Variants in RNF180 observed in about 807,000 individuals in gnomAD.
RNF180 encodes the protein E3 ubiquitin-protein ligase RNF180.
In RNF180, 38 loss-of-function variants were observed where a neutral mutation model predicts 59.2. The observed-to-expected ratio is 0.64, with a 90% CI of 0.50 to 0.84. The LOEUF (loss-of-function observed/expected upper bound fraction) is 0.84. RNF180 is among the 40% of genes least tolerant of loss of function. The pLI, the probability that RNF180 is intolerant of heterozygous loss-of-function variation, is 0.00. For synonymous variants in RNF180, 262 were observed against 240.3 expected (o/e 1.09, Z -0.84); for missense variants, 705 against 700.9 (o/e 1.01, Z -0.07).
At chr5:64,180,906 C>A (rs1750535577) in intron 1 of RNF180, among the ~76,000 whole-genome samples, 1 of 152,126 alleles carries the variant, frequency 6.6e-6, no homozygotes, top group Admixed American at 6.5e-5. Context: ...TTAGGGTTCT[C>A]TAGAGGGGCA....
chr5:64,286,829 A>G (rs992373597), intron 5 of RNF180, among the ~76,000 whole-genome samples: 3 of 152,246 alleles, frequency 2.0e-5, no homozygotes, highest in Non-Finnish European at 4.4e-5. Flanking sequence ...TGGCAAGGAA[A>G]GTTACAGAGG....
At chr5:64,299,673 T>C (rs959464204) in intron 5 of RNF180, among the ~76,000 whole-genome samples, 4 of 151,960 alleles carry the variant, frequency 2.6e-5, no homozygotes, top group African/African-American at 4.8e-5. Flanking sequence ...GTAGGCTTGT[T>C]TTGGAAGTTG....
intron 5 of RNF180, among the ~76,000 whole-genome samples, chr5:64,312,100 G>T (rs1444696551): frequency 1.3e-5 from 2 of 151,948 alleles, no homozygotes; most frequent in African/African-American, 4.8e-5. Context: ...GAAAATTCAG[G>T]TTCTTAGAGA....
chr5:64,175,848 C>T (rs981355904), intron 1 of RNF180, among the ~76,000 whole-genome samples: 1 of 152,094 alleles, frequency 6.6e-6, no homozygotes, highest in African/African-American at 2.4e-5. Flanking sequence ...TTCCAGGCAT[C>T]TAATTTTTTG....
intron 5 of RNF180, among the ~76,000 whole-genome samples, chr5:64,261,069 T>G (rs1297044852): frequency 6.6e-6 from 1 of 152,130 alleles, no homozygotes. Flanking sequence ...TTTGATGTCA[T>G]ACAGATTTAT....
chr5:64,354,691 T>C (rs1745948179), intron 7 of RNF180, among the ~76,000 whole-genome samples: 2 of 151,836 alleles, frequency 1.3e-5, no homozygotes, highest in African/African-American at 2.4e-5. Flanking sequence ...AAAAATTCTC[T>C]GCAAAATACT....
rs144464050 is a variant in RNF180 at position 64,222,896 on chromosome 5, A to G, written c.1227+5500A>G. Among the ~76,000 whole-genome samples the G allele has an allele frequency of 6.6e-4, 101 of 152,364 alleles. 1 individual carries two copies. In the East Asian group the frequency reaches 0.016, roughly 25 times the overall value. Reference sequence around the variant, plus strand: ...CTTTATTAGAAGAATACATACTATCAACATGAGTTATCACTGTTGATGTTA... The same window carrying G: ...CTTTATTAGAAGAATACATACTATCGACATGAGTTATCACTGTTGATGTTA... On this transcript the variant is annotated intron_variant, in intron 5 of 7. Transcript: ENST00000389100.
intron 5 of RNF180, among the ~76,000 whole-genome samples, chr5:64,281,267 CTG>C (rs767544419): frequency 2.0e-4 from 31 of 152,298 alleles, no homozygotes; most frequent in Admixed American, 4.6e-4. Flanking sequence ...TTGACTTCCT[CTG>C]TTATTATTTG....
chr5:64,309,624 T>C lies in RNF180; in HGVS notation c.1228-15562T>C, dbSNP rs555433777. Among the ~76,000 whole-genome samples, 4 of 151,650 alleles carry C rather than the reference T, an allele frequency of 2.6e-5. No individual in the cohort carries two copies. In the South Asian group the frequency reaches 8.3e-4, roughly 31 times the overall value. ...TGTTTTAATTATTAATAATTAATAC[T>C]TGGAGATCTCTTGAACTGTTTAATA... On this transcript the variant is annotated intron_variant, in intron 5 of 7. Transcript: ENST00000389100.
At chr5:64,174,968 T>C (rs867592621) in intron 1 of RNF180, among the ~76,000 whole-genome samples, 43 of 107,852 alleles carry the variant, frequency 4.0e-4, no homozygotes, top group South Asian at 2.4e-3. Flanking sequence ...TCTTTTTTTT[T>C]TTTTTTTTTT....
chr5:64,200,887 A>G lies in RNF180; in HGVS notation c.80A>G (p.Lys27Arg). 1 of 1,613,272 alleles carries G rather than the reference A, an allele frequency of 6.2e-7. No individual in the cohort carries two copies. Among genetic ancestry groups the G allele is most frequent in the Non-Finnish European group, 8.5e-7 (1 of 1,179,258 alleles). ...TSILRCWKCR[K>R]CIASSGCFME... The stretch of plus-strand genomic sequence containing the variant: ...ATTCTTCGTTGTTGGAAATGTAGAA[A>G]ATGTATAGCAAGCTCTGGTTGTTTT... Residue 27 changes from lysine (K) to arginine (R), a missense_variant, in exon 2 of 8, where the codon AAA becomes AGA. By Grantham distance (26) the Lys-to-Arg change is conservative. Transcript: ENST00000389100.
chr5:64,269,616 T>G (rs1450390809), intron 5 of RNF180, among the ~76,000 whole-genome samples: 1 of 152,132 alleles, frequency 6.6e-6, no homozygotes, highest in Non-Finnish European at 1.5e-5. Flanking sequence ...CTGAGATAAA[T>G]TACTCTTATA....
chr5:64,291,024 C>G (rs1742554578), intron 5 of RNF180, among the ~76,000 whole-genome samples: 1 of 152,170 alleles, frequency 6.6e-6, no homozygotes, highest in Non-Finnish European at 1.5e-5. Context: ...CAAGGCAGGC[C>G]TGGTGGTGAC....
At chr5:64,250,058 T>C (rs1406947096) in intron 5 of RNF180, among the ~76,000 whole-genome samples, 1 of 152,148 alleles carries the variant, frequency 6.6e-6, no homozygotes, top group African/African-American at 2.4e-5. Flanking sequence ...ATAGTATAAA[T>C]GTTAGGCCAC....
At position 64,192,903 on chromosome 5, in the gene RNF180, GTATATATATATATATA is replaced by G. The variant is rs70983610; in HGVS notation, c.1-7884_1-7869del. ...TGAATGCATGCAGAAAGTGTGGCATGTATATATATATATATATATATATATATATATATATAAAATG... is the reference window on the plus strand; with the variant it reads ...TGAATGCATGCAGAAAGTGTGGCATGTATATATATATATATATATAAAATG... On this transcript the variant is annotated intron_variant, in intron 1 of 7. Transcript: ENST00000389100. Among the ~76,000 whole-genome samples, 91 of 93,886 alleles carry G rather than the reference GTATATATATATATATA, an allele frequency of 9.7e-4. 1 individual carries two copies. The highest frequency in any genetic ancestry group is 2.5e-3 in the African/African-American group (61 of 24,136). The allele number at this position is 93,886 out of a possible 152,430, so 61.6% of individuals were successfully genotyped here.
At chr5:64,291,703 AG>A (rs1410795540) in intron 5 of RNF180, among the ~76,000 whole-genome samples, 1 of 152,010 alleles carries the variant, frequency 6.6e-6, no homozygotes, top group Non-Finnish European at 1.5e-5. Flanking sequence ...CTAGGATTAC[AG>A]GCGTGAGCCA....
chr5:64,254,119 A>G (rs1364231702), intron 5 of RNF180, among the ~76,000 whole-genome samples: 3 of 152,168 alleles, frequency 2.0e-5, no homozygotes, highest in Non-Finnish European at 4.4e-5. Flanking sequence ...TAAAAATTCT[A>G]TTCATTCACA....
At chr5:64,363,449 G>A (rs962284897) in intron 7 of RNF180, among the ~76,000 whole-genome samples, 6 of 149,322 alleles carry the variant, frequency 4.0e-5, no homozygotes, top group African/African-American at 7.3e-5. Flanking sequence ...TCCATTGATC[G>A]CTATTTTTGT....
intron 5 of RNF180, among the ~76,000 whole-genome samples, chr5:64,228,012 G>A (rs1008707615): frequency 2.6e-5 from 4 of 152,124 alleles, no homozygotes; most frequent in South Asian, 2.1e-4. Context: ...CTCCTCTCAC[G>A]TGTGGAGACC....
Sources: allele counts gnomAD v4.1 joint callset (sites outside exome capture counted in the v4.1 genomes callset), GRCh38; gene constraint gnomAD v4.1.1; transcripts MANE v1.5; gene names NCBI Gene and HGNC (gene_info 2026-07-23, HGNC 2026-07-21).